CSMD1: variants seen among roughly 807,000 people sequenced by gnomAD.
CSMD1 encodes the protein CUB and Sushi multiple domains 1.
CSMD1 carries 213 observed loss-of-function variants against 417.5 expected under a neutral mutation model. The ratio of observed to expected loss-of-function variants is 0.51; its 90% CI spans 0.46 to 0.57. CSMD1 has a LOEUF of 0.57. CSMD1 is among the 20% of genes least tolerant of loss of function. The pLI is 0.00. For synonymous variants in CSMD1, 2,862 were observed against 1,736.8 expected (o/e 1.65, Z -16.11); for missense variants, 6,923 against 4,529.7 (o/e 1.53, Z -15.17).
At chr8:4,901,398 G>A (rs1804860303) in intron 1 of CSMD1, among the ~76,000 whole-genome samples, 1 of 152,164 alleles carries the variant, frequency 6.6e-6, no homozygotes, top group Non-Finnish European at 1.5e-5. Context: ...TTCTACACTT[G>A]AAAGCAGCTC....
At chr8:4,740,813 T>C (rs1381626289) in intron 1 of CSMD1, among the ~76,000 whole-genome samples, 1 of 152,218 alleles carries the variant, frequency 6.6e-6, no homozygotes, top group Non-Finnish European at 1.5e-5. Context: ...TAGGATATCC[T>C]ACTGAAGTTT....
intron 2 of CSMD1, among the ~76,000 whole-genome samples, chr8:4,480,600 C>G (rs1279081627): frequency 1.3e-5 from 2 of 152,146 alleles, no homozygotes; most frequent in Non-Finnish European, 2.9e-5. Context: ...CTTACAAAAC[C>G]AAGAATGCAT....
chr8:4,606,565 C>T (rs1800880706), intron 2 of CSMD1, among the ~76,000 whole-genome samples: 1 of 152,180 alleles, frequency 6.6e-6, no homozygotes, highest in Non-Finnish European at 1.5e-5. Context: ...AAACACAGCA[C>T]TGTTCTCTCA....
At chr8:3,667,991 T>C (rs1008928808) in intron 7 of CSMD1, among the ~76,000 whole-genome samples, 1 of 152,106 alleles carries the variant, frequency 6.6e-6, no homozygotes, top group East Asian at 1.9e-4. Context: ...TCCCGATCAA[T>C]ATGAGTGTCT....
chr8:3,670,567 T>TATATATATTGC (rs1798945249), intron 7 of CSMD1, among the ~76,000 whole-genome samples: 1 of 147,102 alleles, frequency 6.8e-6, no homozygotes, highest in Non-Finnish European at 1.5e-5. Context: ...ATATGCGATA[T>TATATATATTGC]ATATATATGG....
At chr8:4,065,849 C>T (rs535884076) in intron 3 of CSMD1, among the ~76,000 whole-genome samples, 38 of 152,278 alleles carry the variant, frequency 2.5e-4, no homozygotes, top group African/African-American at 8.7e-4. Context: ...TTAAAACACA[C>T]ACACCCAAAG....
rs192072145 is a variant in CSMD1, at chr8:4,454,751, G to T, written c.303-34686C>A. The stretch of plus-strand genomic sequence containing the variant: ...GGATAAAACTATACTCGTTTAGAAA[G>T]GAAGAATGTCTGAAATAGCCATTCT... On this transcript the variant is annotated intron_variant, in intron 2 of 69. Coordinates refer to ENST00000635120, the MANE Select transcript of CSMD1 (RefSeq NM_033225.6). Among the ~76,000 whole-genome samples the T allele has an allele frequency of 1.4e-3, 217 of 152,272 alleles. 1 individual carries two copies. The highest frequency in any genetic ancestry group is 4.9e-3 in the African/African-American group (202 of 41,562).
At chr8:4,642,418 T>A (rs539790767) in intron 1 of CSMD1, among the ~76,000 whole-genome samples, 3 of 152,330 alleles carry the variant, frequency 2.0e-5, no homozygotes, top group Admixed American at 6.5e-5. Flanking sequence ...TCTCCCGGGC[T>A]GTTGCTCTGT....
chr8:4,788,468 A>G (rs4875119), intron 1 of CSMD1: 1,294,667 of 1,323,512 alleles, frequency 0.98, 635,890 homozygotes, highest in East Asian at 1. Flanking sequence ...AGCTCAATTT[A>G]CTGCTCAGAT....
At chr8:3,063,225 T>A (rs1330651576) in intron 49 of CSMD1, among the ~76,000 whole-genome samples, 1 of 152,200 alleles carries the variant, frequency 6.6e-6, no homozygotes, top group Non-Finnish European at 1.5e-5. Context: ...CATACTCTGG[T>A]AAACTAGTCA....
intron 49 of CSMD1, among the ~76,000 whole-genome samples, chr8:3,076,017 C>G (rs1034410446): frequency 6.6e-5 from 10 of 151,336 alleles, no homozygotes; most frequent in African/African-American, 2.2e-4. Flanking sequence ...CGCCACTGCA[C>G]TCTAGCCTGG....
intron 6 of CSMD1, among the ~76,000 whole-genome samples, chr8:3,733,558 A>G (rs1361434596): frequency 1.3e-5 from 2 of 152,016 alleles, no homozygotes; most frequent in Non-Finnish European, 2.9e-5. Context: ...CTTAAGTTGT[A>G]AGTTGCGGGC....
chr8:3,717,386 G>C (rs1407456955), intron 6 of CSMD1, among the ~76,000 whole-genome samples: 2 of 151,836 alleles, frequency 1.3e-5, no homozygotes, highest in Non-Finnish European at 2.9e-5. Flanking sequence ...TATACACTGA[G>C]TCACACAGTA....
chr8:3,450,437 A>G (rs1442548079), intron 12 of CSMD1, among the ~76,000 whole-genome samples: 1 of 151,482 alleles, frequency 6.6e-6, no homozygotes, highest in Non-Finnish European at 1.5e-5. Flanking sequence ...CATTAGGTAT[A>G]TCTCCTAAAG....
At chr8:4,433,844 A>T (rs554565684) in intron 2 of CSMD1, among the ~76,000 whole-genome samples, 1 of 152,160 alleles carries the variant, frequency 6.6e-6, no homozygotes, top group Non-Finnish European at 1.5e-5. Flanking sequence ...AAAGGGAAAA[A>T]AGACTGGAAT....
intron 2 of CSMD1, among the ~76,000 whole-genome samples, chr8:4,583,211 C>T (rs533247519): frequency 6.6e-6 from 1 of 152,308 alleles, no homozygotes; most frequent in South Asian, 2.1e-4. Context: ...CTGAGGAATG[C>T]GGGCACACGG....
chr8:3,677,287 C>A (rs951809113), intron 7 of CSMD1, among the ~76,000 whole-genome samples: 1 of 152,092 alleles, frequency 6.6e-6, no homozygotes, highest in South Asian at 2.1e-4. Context: ...AGTTATGGTT[C>A]CAACTAATGA....
At chr8:4,100,201 G>A (rs984431014) in intron 3 of CSMD1, among the ~76,000 whole-genome samples, 7 of 152,136 alleles carry the variant, frequency 4.6e-5, no homozygotes, top group African/African-American at 7.2e-5. Flanking sequence ...GAAGGGTGAG[G>A]ATTAAATGAG....
chr8:4,433,734 A>G (rs776580295), intron 2 of CSMD1, among the ~76,000 whole-genome samples: 29 of 152,314 alleles, frequency 1.9e-4, no homozygotes, highest in Non-Finnish European at 3.7e-4. Flanking sequence ...TTGAAAAATA[A>G]CATTTATTTC....
Sources: allele counts gnomAD v4.1 joint callset (sites outside exome capture counted in the v4.1 genomes callset), GRCh38; gene constraint gnomAD v4.1.1; transcripts MANE v1.5; gene names NCBI Gene and HGNC (gene_info 2026-07-23, HGNC 2026-07-21).